Variants in THSD7A observed in about 807,000 individuals in gnomAD.
THSD7A encodes the protein thrombospondin type 1 domain containing 7A.
THSD7A carries 96 observed loss-of-function variants against 231.3 expected under a neutral mutation model. The observed-to-expected ratio is 0.41, with a 90% CI of 0.35 to 0.49. THSD7A has a LOEUF of 0.49. THSD7A is among the 20% of genes least tolerant of loss of function. THSD7A has a pLI of 0.05. For synonymous variants in THSD7A, 940 were observed against 743.3 expected (o/e 1.26, Z -4.30); for missense variants, 2,290 against 2,070.2 (o/e 1.11, Z -2.06).
At chr7:11,519,122 T>C (rs1788156008) in intron 6 of THSD7A, among the ~76,000 whole-genome samples, 1 of 152,172 alleles carries the variant, frequency 6.6e-6, no homozygotes, top group African/African-American at 2.4e-5. Flanking sequence ...TTATATATAA[T>C]ATCTTTATTG....
Position 11,594,587 on chromosome 7 carries a change from T to TA in THSD7A, c.1023-1086dup, listed in dbSNP as rs34456977. Among the ~76,000 whole-genome samples, 746 of 152,268 alleles carry TA rather than the reference T, an allele frequency of 4.9e-3. 7 individuals carry two copies. Among genetic ancestry groups the TA allele is most frequent in the African/African-American group, 0.017 (722 of 41,558 alleles). Reference sequence around the variant, plus strand: ...GCAAGGAGTTTAGAGACTCTATATATAACACCTTTGACCATATATGGAGAA... The same window carrying TA: ...GCAAGGAGTTTAGAGACTCTATATATAAACACCTTTGACCATATATGGAGAA... On this transcript the variant is annotated intron_variant, in intron 2 of 27. Transcript: ENST00000423059.
intron 1 of THSD7A, among the ~76,000 whole-genome samples, chr7:11,734,590 C>T (rs1163839920): frequency 5.9e-5 from 9 of 151,892 alleles, no homozygotes; most frequent in Non-Finnish European, 5.9e-5. Context: ...CCTGACATGT[C>T]GTATCTCGCT....
chr7:11,378,460 A>G (rs151074281), intron 26 of THSD7A, among the ~76,000 whole-genome samples: 3 of 152,330 alleles, frequency 2.0e-5, no homozygotes, highest in African/African-American at 7.2e-5. Context: ...TTATTACCAG[A>G]TACATTAAGA....
intron 6 of THSD7A, among the ~76,000 whole-genome samples, chr7:11,505,351 T>G (rs1274533724): frequency 3.3e-5 from 5 of 152,126 alleles, no homozygotes; most frequent in Non-Finnish European, 7.4e-5. Context: ...TCTAATTTCC[T>G]TTTCCTTTTC....
chr7:11,672,723 T>C (rs1783445310), intron 1 of THSD7A, among the ~76,000 whole-genome samples: 1 of 152,162 alleles, frequency 6.6e-6, no homozygotes, highest in South Asian at 2.1e-4. Flanking sequence ...TACCTCACGG[T>C]GCTTTATGGA....
intron 5 of THSD7A, 81 bp from the exon 6 acceptor site, chr7:11,541,712 A>G: frequency 3.0e-6 from 4 of 1,330,822 alleles, no homozygotes; most frequent in South Asian, 2.5e-5. Context: ...CCTCAGAGTA[A>G]AAGTTGGATA....
intron 4 of THSD7A, among the ~76,000 whole-genome samples, chr7:11,578,474 A>G (rs1791014943): frequency 6.6e-6 from 1 of 152,190 alleles, no homozygotes; most frequent in Admixed American, 6.5e-5. Flanking sequence ...CAAAGAATAC[A>G]ATTGGTAAAT....
At position 11,382,697 on chromosome 7, in the gene THSD7A, T is replaced by C. The variant is rs1015573406; in HGVS notation, c.4412-81A>G. 1.3e-4 allele frequency: 142 copies of C among 1,075,686 alleles called. 1 individual carries two copies. In the Middle Eastern group the frequency reaches 1.8e-3, roughly 13 times the overall value. The allele number at this position is 1,075,686 out of a possible 1,614,324, so 66.6% of individuals were successfully genotyped here. On this transcript the variant is annotated intron_variant, in intron 23 of 27. Transcript: ENST00000423059. ...ATGGGGATAGAGTATTAATAACATA[T>C]TACTGAAAAGTAATAAGCTCATCTC...
chr7:11,707,140 G>A (rs533072579), intron 1 of THSD7A, among the ~76,000 whole-genome samples: 1 of 150,838 alleles, frequency 6.6e-6, no homozygotes, highest in African/African-American at 2.4e-5. Context: ...TTCTCTCCCT[G>A]AGTGCAAAGC....
intron 6 of THSD7A, among the ~76,000 whole-genome samples, chr7:11,518,620 C>T (rs1374696329): frequency 2.0e-5 from 3 of 151,520 alleles, no homozygotes; most frequent in African/African-American, 7.3e-5. Flanking sequence ...CACACACACA[C>T]GCACACACAG....
Position 11,831,940 on chromosome 7 carries a change from G to A in THSD7A, c.7C>T (p.Leu3=), listed in dbSNP as rs995993613. Residue 3 remains leucine, a synonymous_variant, in exon 1 of 28, where the codon CTG becomes TTG. Transcript: ENST00000423059. The surrounding 1 kb of genome is among the most constrained non-coding windows in gnomAD (Gnocchi z 5.0). The stretch of plus-strand genomic sequence containing the variant: ...CCGGACGCCCAGCGCCTGGCTTGCA[G>A]CCCCATGCCGCCTGCAGCCACTCCA... MG[L]QARRWASGSR... is the part of the protein sequence containing the mutation. 26 of 1,232,546 alleles carry A rather than the reference G, an allele frequency of 2.1e-5. No homozygotes were observed. In the African/African-American group the frequency reaches 2.6e-4, roughly 13 times the overall value. The allele number at this position is 1,232,546 out of a possible 1,614,324, so 76.4% of individuals were successfully genotyped here.
At chr7:11,521,142 A>G (rs1788244723) in intron 6 of THSD7A, among the ~76,000 whole-genome samples, 2 of 152,190 alleles carry the variant, frequency 1.3e-5, no homozygotes, top group African/African-American at 4.8e-5. Context: ...GACATTTCAT[A>G]TTTCTGAACA....
At chr7:11,603,965 G>A (rs1220134529) in intron 2 of THSD7A, among the ~76,000 whole-genome samples, 3 of 150,792 alleles carry the variant, frequency 2.0e-5, no homozygotes, top group South Asian at 4.2e-4. Flanking sequence ...CCAGCATGGC[G>A]CATGTATACA....
chr7:11,711,401 G>C (rs1222725128), intron 1 of THSD7A, among the ~76,000 whole-genome samples: 2 of 150,982 alleles, frequency 1.3e-5, no homozygotes, highest in Non-Finnish European at 3.0e-5. Flanking sequence ...TATCCCCCAA[G>C]TTAAGTTTCT....
chr7:11,828,775 G>A (rs892195924), intron 1 of THSD7A, among the ~76,000 whole-genome samples: 5 of 152,032 alleles, frequency 3.3e-5, no homozygotes, highest in African/African-American at 1.2e-4. Flanking sequence ...TAAGTAATAA[G>A]TATTATTCAT....
At chr7:11,482,005 C>T in intron 6 of THSD7A, 23 bp from the exon 7 acceptor site, 1 of 1,565,234 alleles carries the variant, frequency 6.4e-7, no homozygotes, top group Non-Finnish European at 8.7e-7. Flanking sequence ...TGACCACCAA[C>T]AGCTATTATT....
chr7:11,806,425 A>G (rs541416606), intron 1 of THSD7A, among the ~76,000 whole-genome samples: 5 of 152,308 alleles, frequency 3.3e-5, no homozygotes, highest in Non-Finnish European at 7.3e-5. Context: ...GATGGTAAAA[A>G]GGAAATACAT....
In THSD7A at chr7:11,761,031, A is replaced by G. The variant is rs555573215; in HGVS notation, c.190+70726T>C. ...ATACAAACATATTGCTAAGATGCTGATAAGCTATAAATATGTCAAACCCAA... is the reference window on the plus strand; with the variant it reads ...ATACAAACATATTGCTAAGATGCTGGTAAGCTATAAATATGTCAAACCCAA... On this transcript the variant is annotated intron_variant, in intron 1 of 27. Transcript: ENST00000423059. Among the ~76,000 whole-genome samples the G allele has an allele frequency of 5.3e-5, 8 of 150,628 alleles. No homozygotes were observed. The South Asian group carries it at 1.5e-3, about 27-fold the overall frequency.
intron 4 of THSD7A, among the ~76,000 whole-genome samples, chr7:11,569,399 C>G (rs772308498): frequency 6.6e-6 from 1 of 152,030 alleles, no homozygotes; most frequent in Non-Finnish European, 1.5e-5. Flanking sequence ...AGAATACATA[C>G]AAATGGCCAA....
Sources: gnomAD v4.1 joint callset for allele counts (sites outside exome capture counted in the v4.1 genomes callset) on GRCh38, gnomAD v4.1.1 for gene constraint, Gnocchi (gnomAD v3.1) non-coding constraint, MANE v1.5 for transcripts, NCBI Gene and HGNC (gene_info 2026-07-23, HGNC 2026-07-21) for gene names.